The following NYAP2 variants were observed in gnomAD, a reference collection of about 807,000 sequenced individuals.
NYAP2 encodes the protein neuronal tyrosine-phosphorylated phosphoinositide-3-kinase adaptor 2, also known as neuronal tyrosine-phosphorylated phosphoinositide-3-kinase adapter 2.
NYAP2 carries 23 observed loss-of-function variants against 50.4 expected under a neutral mutation model. The ratio of observed to expected loss-of-function variants is 0.46; its 90% confidence interval spans 0.33 to 0.65. The LOEUF is 0.65. NYAP2 is among the 30% of genes least tolerant of loss of function. The pLI, the probability that NYAP2 is intolerant of heterozygous loss-of-function variation, is 0.02. For missense variants in NYAP2, 885 were observed against 861.0 expected (o/e 1.03, Z -0.35); for synonymous variants, 394 against 365.2 (o/e 1.08, Z -0.90).
intron 3 of NYAP2, among the ~76,000 whole-genome samples, chr2:225,430,675 G>A (rs1695352878): frequency 6.6e-6 from 1 of 151,838 alleles, no homozygotes; most frequent in South Asian, 2.1e-4. Context: ...CAATACATCA[G>A]GGATTTGAAC....
chr2:225,455,383 A>G (rs1689723550), intron 3 of NYAP2, among the ~76,000 whole-genome samples: 1 of 152,224 alleles, frequency 6.6e-6, no homozygotes, highest in African/African-American at 2.4e-5. Flanking sequence ...CCATATCCCT[A>G]TTCTCAGCTA....
chr2:225,670,621 A>AAAAG, the NYAP2 span, among the ~76,000 whole-genome samples: 1 of 140,162 alleles, frequency 7.1e-6, no homozygotes, highest in Non-Finnish European at 1.5e-5. Context: ...AAAAAAAAAA[A>AAAAG]AAAAAAAAAA....
At chr2:225,625,943 C>G (rs901911947) in intron 5 of NYAP2, among the ~76,000 whole-genome samples, 4 of 152,108 alleles carry the variant, frequency 2.6e-5, no homozygotes, top group African/African-American at 9.7e-5. Flanking sequence ...GAACCAGAGC[C>G]ATTGAGGTAG....
intron 5 of NYAP2, among the ~76,000 whole-genome samples, chr2:225,622,549 CTTTCTTTCTTTTTCTTTCTTTCTTTCT>C (rs1559232885): frequency 1.8e-3 from 104 of 58,080 alleles, no homozygotes; most frequent in South Asian, 3.9e-3. Context: ...TTCTTTCTTT[CTTTCTTTCTTTTTCTTTCTTTCTTTCT>C]TTCTTCTTTC....
chr2:225,689,579 G>A, the NYAP2 span, among the ~76,000 whole-genome samples: 1 of 152,046 alleles, frequency 6.6e-6, no homozygotes, highest in Non-Finnish European at 1.5e-5. Context: ...TTTTCAATAT[G>A]TCTATATCTC....
intron 3 of NYAP2, among the ~76,000 whole-genome samples, chr2:225,431,408 T>G (rs1435240187): frequency 6.6e-6 from 1 of 152,194 alleles, no homozygotes; most frequent in Non-Finnish European, 1.5e-5. Flanking sequence ...TTATCTAGTT[T>G]AAGCTTTTTG....
chr2:225,572,833 G>A (rs939489662), intron 4 of NYAP2, among the ~76,000 whole-genome samples: 1 of 152,180 alleles, frequency 6.6e-6, no homozygotes, highest in Non-Finnish European at 1.5e-5. Context: ...AGGTACTGCT[G>A]TAAGGGGCCA....
chr2:225,564,530 A>C (rs1691929278), intron 4 of NYAP2, among the ~76,000 whole-genome samples: 1 of 151,978 alleles, frequency 6.6e-6, no homozygotes, highest in Non-Finnish European at 1.5e-5. Context: ...TACATAAAAG[A>C]CCAACTAAAG....
At chr2:225,439,599 G>A (rs1422248220) in intron 3 of NYAP2, among the ~76,000 whole-genome samples, 3 of 152,122 alleles carry the variant, frequency 2.0e-5, no homozygotes, top group Non-Finnish European at 2.9e-5. Context: ...CCGTTTTCAT[G>A]AGACATTGAA....
intron 3 of NYAP2, among the ~76,000 whole-genome samples, chr2:225,423,277 C>A (rs1381445263): frequency 6.6e-6 from 1 of 152,122 alleles, no homozygotes; most frequent in African/African-American, 2.4e-5. Context: ...ATGCAGTGAC[C>A]CTGTCTATCC....
the NYAP2 span, among the ~76,000 whole-genome samples, chr2:225,680,703 T>A: frequency 6.8e-4 from 104 of 152,264 alleles, no homozygotes; most frequent in Admixed American, 1.2e-3. Flanking sequence ...GCAATTAGAT[T>A]CCCTGCAAAT....
In NYAP2 at chr2:225,591,750, T is replaced by G. The variant is rs78746100; in HGVS notation, c.1618+8715T>G. Among the ~76,000 whole-genome samples, 91 of 152,302 alleles carry G rather than the reference T, an allele frequency of 6.0e-4. 2 individuals carry two copies. In the East Asian group the frequency reaches 0.016, roughly 27 times the overall value. On this transcript the variant is annotated intron_variant, in intron 5 of 6. Transcript: ENST00000636099. ...GTTTCTTCGATTTAATGATACCTTA[T>G]CTATACTTGATCAATCTCTCCAAAA...
In NYAP2 at chr2:225,405,452, T is replaced by A. The variant is rs561658568; in HGVS notation, c.-17-3412T>A. Among the ~76,000 whole-genome samples, 59 of 152,148 alleles carry A rather than the reference T, an allele frequency of 3.9e-4. No individual in the cohort carries two copies. The South Asian group carries it at 0.012, about 30-fold the overall frequency. ...GGCCTGACATAAACTTGACTTAATA[T>A]CTAAGAGTCAAAATGCAGTCAAGTT... On this transcript the variant is annotated intron_variant, in intron 2 of 6. Transcript: ENST00000636099.
intron 3 of NYAP2, among the ~76,000 whole-genome samples, chr2:225,502,211 C>T (rs1189274364): frequency 1.3e-5 from 2 of 152,146 alleles, no homozygotes; most frequent in African/African-American, 4.8e-5. Flanking sequence ...ATTAATTTAG[C>T]CAAGAAGTGA....
chr2:225,700,201 T>C, the NYAP2 span: 72 of 151,970 alleles, frequency 4.7e-4, no homozygotes, highest in African/African-American at 1.7e-3. Flanking sequence ...TTTCTAATGT[T>C]TTATAATTAA....
intron 4 of NYAP2, among the ~76,000 whole-genome samples, chr2:225,555,160 C>T (rs917704313): frequency 6.6e-6 from 1 of 151,716 alleles, no homozygotes; most frequent in African/African-American, 2.4e-5. Flanking sequence ...GCTTTTTTTC[C>T]CAGAAGGATT....
chr2:225,528,239 A>G (rs945930015), intron 4 of NYAP2, among the ~76,000 whole-genome samples: 3 of 152,180 alleles, frequency 2.0e-5, no homozygotes, highest in Non-Finnish European at 1.5e-5. Flanking sequence ...TCAAAAGTCA[A>G]CTCATGGAAA....
chr2:225,514,916 T>C (rs1458426236), intron 4 of NYAP2, among the ~76,000 whole-genome samples: 4 of 152,168 alleles, frequency 2.6e-5, no homozygotes, highest in African/African-American at 7.2e-5. Flanking sequence ...GCAGTGTTCA[T>C]TGTGACATGG....
chr2:225,619,765 A>G (rs1693056708), intron 5 of NYAP2, among the ~76,000 whole-genome samples: 1 of 152,224 alleles, frequency 6.6e-6, no homozygotes, highest in Non-Finnish European at 1.5e-5. Flanking sequence ...TTGCTCAAAA[A>G]TGAATTGCTC....
Sources: allele counts gnomAD v4.1 joint callset (sites outside exome capture counted in the v4.1 genomes callset), GRCh38; gene constraint gnomAD v4.1.1; transcripts MANE v1.5; gene names NCBI Gene and HGNC (gene_info 2026-07-23, HGNC 2026-07-21).